The following CSPG4 variants were observed in gnomAD, a reference collection of about 807,000 sequenced individuals.
CSPG4 encodes chondroitin sulfate proteoglycan 4.
Under a neutral mutation model 139.3 loss-of-function variants are expected in CSPG4, and 74 were observed. The observed-to-expected ratio is 0.53, with a 90% CI of 0.44 to 0.64. CSPG4 has a LOEUF of 0.64. Among genes scored for constraint, CSPG4 ranks in the 30% least tolerant of loss-of-function variants. The pLI, the probability that CSPG4 is intolerant of heterozygous loss-of-function variation, is 0.00. For missense variants in CSPG4, 2,565 were observed against 3,148.3 expected (o/e 0.81, Z 4.43); for synonymous variants, 1,234 against 1,394.2 (o/e 0.89, Z 2.56).
At chr15:75,712,912 CG>C, upstream of CSPG4, 1 of 578,416 alleles carries the variant, frequency 1.7e-6, no homozygotes, top group Middle Eastern at 4.6e-4. Flanking sequence ...CCCGCGCGCC[CG>C]CTCGGGTTTC....
Position 75,677,130 on chromosome 15 carries a change from C to CA in CSPG4, c.5388dup (p.Gly1797TrpfsTer34). 7.1e-7 allele frequency: 1 copy of CA among 1,414,470 alleles called. No individual in the cohort carries two copies. Among genetic ancestry groups the CA allele is most frequent in the Non-Finnish European group, 9.3e-7 (1 of 1,080,940 alleles). The allele number at this position is 1,414,470 out of a possible 1,614,324, so 87.6% of individuals were successfully genotyped here. A position where few individuals can be genotyped will look rare whatever the true frequency, so the allele number is the denominator to read the frequency against. Reference sequence around the variant, plus strand: ...TGGAGGTGGGCACGAAAGTGGAAGCCATCCTGCTGGGTGCCCCCACCGCCG... The same window carrying CA: ...TGGAGGTGGGCACGAAAGTGGAAGCCAATCCTGCTGGGTGCCCCCACCGCCG... On this transcript the variant is annotated frameshift_variant, in exon 10 of 10. Coordinates refer to ENST00000308508, the MANE Select transcript of CSPG4 (RefSeq NM_001897.5). LOFTEE classifies it low-confidence loss of function (END_TRUNC).
rs751063828 is a variant in CSPG4 at position 75,676,693 on chromosome 15, G to A, written c.5826C>T (p.Ile1942=). ...CCAGGGGTGCCCGCAGCTGCACCTC[G>A]ATGGCGGATGGTAGGATGTCCACAG... ...SLAVDILPSA[I]EVQLRAPLEV... Residue 1942 remains isoleucine, a synonymous_variant, in exon 10 of 10, where the codon ATC becomes ATT. Transcript: ENST00000308508. 18 of 1,590,206 alleles carry A rather than the reference G, an allele frequency of 1.1e-5. No individual in the cohort carries two copies. Among genetic ancestry groups the A allele is most frequent in the African/African-American group, 8.1e-5 (6 of 74,384 alleles).
intron 1 of CSPG4, among the ~76,000 whole-genome samples, chr15:75,693,530 C>T (rs565030505): frequency 6.6e-4 from 101 of 152,338 alleles, no homozygotes; most frequent in Non-Finnish European, 1.3e-3. Flanking sequence ...CAGAGGCCTC[C>T]GCCAGCTCTG....
At chr15:75,702,061 C>T (rs1332582179) in intron 1 of CSPG4, among the ~76,000 whole-genome samples, 1 of 152,324 alleles carries the variant, frequency 6.6e-6, no homozygotes, top group East Asian at 1.9e-4. Flanking sequence ...ACTCCCTTTG[C>T]TAATAGCAGC....
At chr15:75,707,145 CA>C (rs1478108812) in intron 1 of CSPG4, among the ~76,000 whole-genome samples, 5 of 151,928 alleles carry the variant, frequency 3.3e-5, no homozygotes, top group South Asian at 2.1e-4. Context: ...TTAGTAGAGA[CA>C]GGGTTTCACC....
rs757517944 is a variant in CSPG4, at chr15:75,675,974, G to T, written c.6545C>A (p.Ala2182Asp). 1.9e-6 allele frequency: 3 copies of T among 1,579,252 alleles called. No homozygotes were observed. Among genetic ancestry groups the T allele is most frequent in the Admixed American group, 3.4e-5 (2 of 58,894 alleles). ...CTCTGGCTTCCCTGCTTCCGTCCGG[G>T]CGGCCTCGGGGACACTGAGCAGGGC... ...SVALLSVPEAARTEAGKPESS... is the reference protein window; with the variant it reads ...SVALLSVPEADRTEAGKPESS... Residue 2182 changes from alanine to aspartate, a missense_variant, in exon 10 of 10, where the codon GCC becomes GAC. By Grantham distance (126) the Ala-to-Asp change is moderately radical. Around this residue, in one of 5 missense-constraint regions of CSPG4, gnomAD observed 2,316 missense variants for 2,818.2 expected, o/e 0.82. Coordinates refer to ENST00000308508, the MANE Select transcript of CSPG4 (RefSeq NM_001897.5).
chr15:75,674,574 C>T lies in CSPG4; in HGVS notation c.*976G>A, dbSNP rs947748256. On this transcript the variant is annotated 3_prime_UTR_variant, in exon 10 of 10. Transcript: ENST00000308508. ...CAGGGGCCCTCTGTATGCAAGCCGACGCAGACAAGGGCCCAGTGCATAGTT... is the reference window on the plus strand; with the variant it reads ...CAGGGGCCCTCTGTATGCAAGCCGATGCAGACAAGGGCCCAGTGCATAGTT... 13 of 395,730 alleles carry T rather than the reference C, an allele frequency of 3.3e-5. No homozygotes were observed. Among genetic ancestry groups the T allele is most frequent in the Non-Finnish European group, 5.8e-5 (13 of 224,476 alleles). The allele number at this position is 395,730 out of a possible 1,614,324, so 24.5% of individuals were successfully genotyped here.
chr15:75,675,520 C>T lies in CSPG4; in HGVS notation c.*30G>A, dbSNP rs1893876298. 2.0e-6 allele frequency: 3 copies of T among 1,466,368 alleles called. No homozygotes were observed. In the East Asian group the frequency reaches 7.1e-5, roughly 35 times the overall value. The allele number at this position is 1,466,368 out of a possible 1,614,324, so 90.8% of individuals were successfully genotyped here. The stretch of plus-strand genomic sequence containing the variant: ...GGGACATGGGCAAGCCTGTCCCTGG[C>T]CCGATCAGCATCTGGGCCCAGGCCA... On this transcript the variant is annotated 3_prime_UTR_variant, in exon 10 of 10. Transcript: ENST00000308508.
chr15:75,697,740 C>T (rs951631311), intron 1 of CSPG4, among the ~76,000 whole-genome samples: 2 of 152,098 alleles, frequency 1.3e-5, no homozygotes, highest in African/African-American at 4.8e-5. Flanking sequence ...GTGGGGAGTG[C>T]CTGGGCCCGT....
In CSPG4 at chr15:75,675,745, C is replaced by G. The variant is rs1379516563; in HGVS notation, c.6774G>C (p.Gln2258His). The change falls in exon 10 of 10, where the codon CAG (glutamine) becomes CAC (histidine). Residue 2258 changes from glutamine to histidine, a missense_variant. Around this residue, in one of 5 missense-constraint regions of CSPG4, gnomAD observed 2,316 missense variants for 2,818.2 expected, o/e 0.82. Coordinates refer to ENST00000308508, the MANE Select transcript of CSPG4 (RefSeq NM_001897.5). ...KRNKTGKHDV[Q>H]VLTAKPRNGL... ...CGTTGCGGGGCTTGGCAGTCAGGACCTGGACGTCATGCTTGCCCGTCTTGT... is the reference window on the plus strand; with the variant it reads ...CGTTGCGGGGCTTGGCAGTCAGGACGTGGACGTCATGCTTGCCCGTCTTGT... 1.9e-6 allele frequency: 3 copies of G among 1,608,528 alleles called. No individual in the cohort carries two copies. Among genetic ancestry groups the G allele is most frequent in the Non-Finnish European group, 2.5e-6 (3 of 1,176,484 alleles).
chr15:75,703,592 G>A (rs964393112), intron 1 of CSPG4, among the ~76,000 whole-genome samples: 1 of 152,168 alleles, frequency 6.6e-6, no homozygotes, highest in African/African-American at 2.4e-5. Flanking sequence ...CGGTGGGGCA[G>A]AGCCCAGATT....
At chr15:75,700,397 G>T (rs1894285708) in intron 1 of CSPG4, among the ~76,000 whole-genome samples, 1 of 152,142 alleles carries the variant, frequency 6.6e-6, no homozygotes, top group African/African-American at 2.4e-5. Context: ...GGGGGGGACA[G>T]CGAGGAGGGG....
intron 2 of CSPG4, among the ~76,000 whole-genome samples, chr15:75,692,384 T>C (rs1894176437): frequency 6.6e-6 from 1 of 152,154 alleles, no homozygotes; most frequent in African/African-American, 2.4e-5. Context: ...CCTCCCAAAG[T>C]GGTGGGATTA....
Position 75,705,122 on chromosome 15 carries a change from C to T in CSPG4, c.88+7546G>A, listed in dbSNP as rs59944002. On this transcript the variant is annotated intron_variant, in intron 1 of 9. Coordinates refer to ENST00000308508, the MANE Select transcript of CSPG4 (RefSeq NM_001897.5). ...TAGGGGCTGTTAGGCTTGGGAGAAA[C>T]AGGCCCTGGGGAGGGCCAGGCAGGG... 7.7e-3 allele frequency among the ~76,000 whole-genome samples: 1,166 copies of T among 152,300 alleles called. 15 individuals carry two copies. Among genetic ancestry groups the T allele is most frequent in the African/African-American group, 0.026 (1,093 of 41,552 alleles).
chr15:75,693,605 G>A (rs1392080590), intron 1 of CSPG4, among the ~76,000 whole-genome samples: 2 of 152,232 alleles, frequency 1.3e-5, no homozygotes, highest in African/African-American at 4.8e-5. Context: ...CCAGCCCAAA[G>A]GGAACCGCAA....
At chr15:75,704,532 G>T (rs1894344772) in intron 1 of CSPG4, among the ~76,000 whole-genome samples, 1 of 152,208 alleles carries the variant, frequency 6.6e-6, no homozygotes, top group Admixed American at 6.5e-5. Context: ...TGGGTGGGGG[G>T]CCTGGCCGGG....
intron 1 of CSPG4, among the ~76,000 whole-genome samples, chr15:75,710,680 C>A (rs573420221): frequency 1.3e-5 from 2 of 152,150 alleles, no homozygotes; most frequent in Non-Finnish European, 2.9e-5. Context: ...CATTCGGATA[C>A]GGGAGGACGA....
chr15:75,680,171 TG>T (rs568401715), intron 8 of CSPG4: 202 of 152,250 alleles, frequency 1.3e-3, no homozygotes, highest in Non-Finnish European at 2.3e-3. Context: ...GGGCAGGGCC[TG>T]GGCTAAGGGA....
intron 1 of CSPG4, among the ~76,000 whole-genome samples, chr15:75,705,078 G>A (rs1244216976): frequency 1.3e-5 from 2 of 152,150 alleles, no homozygotes; most frequent in Non-Finnish European, 2.9e-5. Context: ...GCTGTGCCCC[G>A]GCCCAGTGAG....
Sources: allele counts gnomAD v4.1 joint callset (sites outside exome capture counted in the v4.1 genomes callset), GRCh38; gene constraint gnomAD v4.1.1; regional missense constraint gnomAD v4.1.1; transcripts MANE v1.5; gene names NCBI Gene and HGNC (gene_info 2026-07-23, HGNC 2026-07-21).